CATSPERE: variants seen among roughly 807,000 people sequenced by gnomAD.
CATSPERE encodes cation channel sperm-associated auxiliary subunit epsilon.
A neutral mutation model predicts 114.1 loss-of-function variants in CATSPERE; 93 were observed. The ratio of observed to expected loss-of-function variants is 0.81; its 90% CI spans 0.69 to 0.97. The LOEUF is 0.97. CATSPERE is among the 50% of genes least tolerant of loss of function. The pLI, the probability that CATSPERE is intolerant of heterozygous loss-of-function variation, is 0.00. For missense variants in CATSPERE, 1,058 were observed against 1,131.6 expected (o/e 0.93, Z 0.93); for synonymous variants, 341 against 384.1 (o/e 0.89, Z 1.31).
intron 8 of CATSPERE, among the ~76,000 whole-genome samples, chr1:244,532,000 C>T (rs1442677637): frequency 6.6e-6 from 1 of 152,160 alleles, no homozygotes; most frequent in Non-Finnish European, 1.5e-5. Flanking sequence ...GCTTCAATCT[C>T]ATTACCTGTT....
chr1:244,498,562 A>G (rs1572415506), intron 6 of CATSPERE, among the ~76,000 whole-genome samples: 1 of 152,236 alleles, frequency 6.6e-6, no homozygotes, highest in African/African-American at 2.4e-5. Flanking sequence ...TATAAAAAGT[A>G]TGTGAGTGGG....
chr1:244,487,192 A>C (rs1262855505), intron 5 of CATSPERE, among the ~76,000 whole-genome samples: 1 of 151,040 alleles, frequency 6.6e-6, no homozygotes, highest in African/African-American at 2.4e-5. Context: ...GTGGTTCAGC[A>C]TGTGGAATAG....
chr1:244,460,832 T>C (rs1333592060), upstream of CATSPERE, among the ~76,000 whole-genome samples: 1 of 152,242 alleles, frequency 6.6e-6, no homozygotes, highest in African/African-American at 2.4e-5. Context: ...GAGAATCGCT[T>C]GAACGCCGGA....
intron 8 of CATSPERE, among the ~76,000 whole-genome samples, chr1:244,549,534 T>A (rs1207050492): frequency 1.3e-5 from 2 of 152,236 alleles, no homozygotes; most frequent in African/African-American, 4.8e-5. Flanking sequence ...TTAAGTATTG[T>A]TAACTTTTTA....
chr1:244,548,214 A>G (rs1488721765), intron 8 of CATSPERE, among the ~76,000 whole-genome samples: 2 of 152,258 alleles, frequency 1.3e-5, no homozygotes, highest in Non-Finnish European at 2.9e-5. Context: ...GATTCCAGTC[A>G]GCCTGTTTCT....
rs1303882956 is a variant in CATSPERE at position 244,540,748 on chromosome 1, TCAAACTA to T, written c.537-11573_537-11567del. On this transcript the variant is annotated intron_variant, in intron 8 of 21. Transcript: ENST00000366534. ...GCTGGAGGCATCACACTACCTGACTTCAAACTATACTACAAGGCTACAGTAACCAAAA... is the reference window on the plus strand; with the variant it reads ...GCTGGAGGCATCACACTACCTGACTTTACTACAAGGCTACAGTAACCAAAA... Among the ~76,000 whole-genome samples the T allele has an allele frequency of 2.5e-3, 307 of 123,662 alleles. 1 individual carries two copies. The highest frequency in any genetic ancestry group is 4.2e-3 in the Non-Finnish European group (242 of 57,940). 81.1% of individuals were successfully genotyped at this position (123,662 alleles called of 152,430 possible).
At chr1:244,615,239 CAAAA>C (rs568497256) in intron 19 of CATSPERE, among the ~76,000 whole-genome samples, 9 of 69,258 alleles carry the variant, frequency 1.3e-4, no homozygotes, top group Non-Finnish European at 1.0e-4. Flanking sequence ...TTGGGCAGAC[CAAAA>C]AAAAAAAAAA....
intron 19 of CATSPERE, among the ~76,000 whole-genome samples, chr1:244,614,632 C>T (rs1335182178): frequency 6.6e-6 from 1 of 152,112 alleles, no homozygotes; most frequent in Non-Finnish European, 1.5e-5. Context: ...GTATCATTAA[C>T]ACGAGGAGGG....
upstream of CATSPERE, chr1:244,451,769 C>T (rs200767219): frequency 1.1e-4 from 179 of 1,599,936 alleles, no homozygotes; most frequent in Non-Finnish European, 1.4e-4. This position sits in a 1 kb window ranked among gnomAD's most constrained non-coding sequence, Gnocchi z 6.6. Flanking sequence ...CGGCCGCAAT[C>T]GCCGTTGGGC....
chr1:244,518,502 G>A (rs981928221), intron 7 of CATSPERE, 90 bp from the exon 8 acceptor site: 22 of 841,758 alleles, frequency 2.6e-5, no homozygotes, highest in Admixed American at 4.5e-5. Context: ...ATGTCTTAAC[G>A]AAAATAACAA....
At chr1:244,516,573 G>C (rs189805877) in intron 7 of CATSPERE, among the ~76,000 whole-genome samples, 5 of 151,952 alleles carry the variant, frequency 3.3e-5, no homozygotes, top group Admixed American at 6.6e-5. Flanking sequence ...CCAGGCTGGA[G>C]TGCAGTGGCA....
intron 8 of CATSPERE, among the ~76,000 whole-genome samples, chr1:244,528,312 A>G (rs1678993597): frequency 6.6e-6 from 1 of 152,202 alleles, no homozygotes; most frequent in Non-Finnish European, 1.5e-5. Flanking sequence ...TGTATACACT[A>G]TACAACAGTA....
intron 17 of CATSPERE, among the ~76,000 whole-genome samples, chr1:244,603,616 TG>T (rs1434512628): frequency 1.3e-5 from 2 of 152,188 alleles, no homozygotes; most frequent in Non-Finnish European, 2.9e-5. Flanking sequence ...TAGATGGCAC[TG>T]TAGCATATTG....
chr1:244,512,999 C>T (rs1012038788), intron 7 of CATSPERE, among the ~76,000 whole-genome samples: 1 of 152,168 alleles, frequency 6.6e-6, no homozygotes, highest in Non-Finnish European at 1.5e-5. Flanking sequence ...GGTTCGTGAA[C>T]CCCCTGGCAG....
rs67626437 is a variant in CATSPERE, at chr1:244,553,602, TACACAC to T, written c.1029+826_1029+831del. On this transcript the variant is annotated intron_variant, in intron 9 of 21. Transcript: ENST00000366534. ...TCTCAAAAAAAAAAAAAAAAAAAAA[TACACAC>T]ACACACACACACACACACACACACA... Among the ~76,000 whole-genome samples, 840 of 91,946 alleles carry T rather than the reference TACACAC, an allele frequency of 9.1e-3. 7 individuals carry two copies. The highest frequency in any genetic ancestry group is 0.012 in the Non-Finnish European group (651 of 52,638). The allele number at this position is 91,946 out of a possible 152,430, so 60.3% of individuals were successfully genotyped here.
Position 244,575,994 on chromosome 1 carries a change from T to C in CATSPERE, c.1950+3222T>C, listed in dbSNP as rs1442113611. ...GGAATGCTCTACTGCCTCTGCGGTG[T>C]CTGTTTCCTTGGTATATCCTGTCCA... On this transcript the variant is annotated intron_variant, in intron 11 of 21. Coordinates refer to ENST00000366534, the MANE Select transcript of CATSPERE (RefSeq NM_001130957.2). The surrounding 1 kb of genome is among the most constrained non-coding windows in gnomAD (Gnocchi z 4.5). Among the ~76,000 whole-genome samples, 1 of 151,866 alleles carries C rather than the reference T, an allele frequency of 6.6e-6. No homozygotes were observed. The highest frequency in any genetic ancestry group is 1.5e-5 in the Non-Finnish European group (1 of 67,848).
intron 6 of CATSPERE, among the ~76,000 whole-genome samples, chr1:244,491,954 A>G (rs575803614): frequency 1.3e-5 from 2 of 152,348 alleles, no homozygotes; most frequent in African/African-American, 4.8e-5. Context: ...AATAATCAAT[A>G]GTTTACCAAC....
chr1:244,453,389 T>A (rs1310634473), upstream of CATSPERE, among the ~76,000 whole-genome samples: 2 of 152,224 alleles, frequency 1.3e-5, no homozygotes, highest in Non-Finnish European at 2.9e-5. Flanking sequence ...AAAACTCTGG[T>A]TTCCTGCACA....
At chr1:244,547,293 AC>A (rs1463492183) in intron 8 of CATSPERE, among the ~76,000 whole-genome samples, 1 of 152,186 alleles carries the variant, frequency 6.6e-6, no homozygotes, top group Admixed American at 6.5e-5. Flanking sequence ...GGAGTTTATC[AC>A]CACTAGACCT....
Sources: gnomAD v4.1 joint callset for allele counts (sites outside exome capture counted in the v4.1 genomes callset) on GRCh38, gnomAD v4.1.1 for gene constraint, Gnocchi (gnomAD v3.1) non-coding constraint, MANE v1.5 for transcripts, NCBI Gene and HGNC (gene_info 2026-07-23, HGNC 2026-07-21) for gene names.